ALS2: variants seen among roughly 807,000 people sequenced by gnomAD.
ALS2 encodes alsin Rho guanine nucleotide exchange factor ALS2.
Under a neutral mutation model 203.4 loss-of-function variants are expected in ALS2, and 117 were observed. That is an observed-to-expected ratio of 0.58 (90% CI 0.50 to 0.67). The LOEUF is 0.67. Among genes scored for constraint, ALS2 ranks in the 30% least tolerant of loss-of-function variants. The pLI is 0.00. For missense variants in ALS2, 1,715 were observed against 1,989.4 expected, an observed-to-expected ratio of 0.86 and a Z score of 2.62; for synonymous variants, 718 against 725.9, an observed-to-expected ratio of 0.99 and a Z score of 0.17.
intron 5 of ALS2, among the ~76,000 whole-genome samples, chr2:201,756,442 T>G (rs1693398152): frequency 6.6e-6 from 1 of 151,938 alleles, no homozygotes; most frequent in Admixed American, 6.6e-5. Context: ...AGGTGCAGAG[T>G]AAAAAAGGTA....
rs201931059 is a variant in ALS2, at chr2:201,760,871, G to C, written c.1113+10C>G. ...AGACACACTTTTATTTTATAAAATT[G>C]AGCAGGTACCTGAGATGGCACTGGC... On this transcript the variant is annotated intron_variant, in intron 4 of 33. Coordinates refer to ENST00000264276, the MANE Select transcript of ALS2 (RefSeq NM_020919.4). 2 of 1,609,036 alleles carry C rather than the reference G, an allele frequency of 1.2e-6. No individual in the cohort carries two copies. Among genetic ancestry groups the C allele is most frequent in the Non-Finnish European group, 1.7e-6 (2 of 1,176,542 alleles).
chr2:201,726,868 T>C lies in ALS2; in HGVS notation c.2980-2A>G, dbSNP rs386134184. 2 of 1,613,560 alleles carry C rather than the reference T, an allele frequency of 1.2e-6. No homozygotes were observed. The highest frequency in any genetic ancestry group is 1.7e-4 in the Middle Eastern group (1 of 5,988). ...GCTTATAGCTCGTAGCCACTTTGTCTAGGAGCAAAAAGTAACGTCAATAAG... is the reference window on the plus strand; with the variant it reads ...GCTTATAGCTCGTAGCCACTTTGTCCAGGAGCAAAAAGTAACGTCAATAAG... On this transcript the variant is annotated splice_acceptor_variant, in intron 17 of 33. Transcript: ENST00000264276. LOFTEE classifies it high-confidence loss of function.
rs576109156 is a variant in ALS2, at chr2:201,728,362, T to C, written c.2841+150A>G. 1,202 of 1,114,520 alleles carry C rather than the reference T, an allele frequency of 1.1e-3. 2 individuals carry two copies. Among genetic ancestry groups the C allele is most frequent in the Non-Finnish European group, 1.1e-3 (838 of 746,328 alleles). The allele number at this position is 1,114,520 out of a possible 1,614,324, so 69.0% of individuals were successfully genotyped here. A position where few individuals can be genotyped will look rare whatever the true frequency, so the allele number is the denominator to read the frequency against. ...CATGCAGTGTTTGGTTTTTTGTCCT[T>C]GCTATAGTTTGCTGAGAATGATGGC... On this transcript the variant is annotated intron_variant, in intron 15 of 33. Transcript: ENST00000264276.
At position 201,715,623 on chromosome 2, in the gene ALS2, T is replaced by C. The variant is rs758722639; in HGVS notation, c.4004+49A>G. 5 of 1,606,326 alleles carry C rather than the reference T, an allele frequency of 3.1e-6. No individual in the cohort carries two copies. In the African/African-American group the frequency reaches 6.7e-5, roughly 21 times the overall value. ...CCTTGACTACTTACTGGTCTTAAGTTTCATCTTCCTAACATGCTCTGCTGT... is the reference window on the plus strand; with the variant it reads ...CCTTGACTACTTACTGGTCTTAAGTCTCATCTTCCTAACATGCTCTGCTGT... On this transcript the variant is annotated intron_variant, in intron 25 of 33. Transcript: ENST00000264276.
chr2:201,762,346 C>A (rs1693816992), intron 3 of ALS2, among the ~76,000 whole-genome samples: 1 of 152,208 alleles, frequency 6.6e-6, no homozygotes, highest in South Asian at 2.1e-4. Flanking sequence ...CTAGGCTGTA[C>A]AGGAAGCACC....
At position 201,723,434 on chromosome 2, in the gene ALS2, T is replaced by A. The variant is rs757972700; in HGVS notation, c.3520A>T (p.Lys1174Ter). 6.8e-6 allele frequency: 11 copies of A among 1,612,534 alleles called. No individual in the cohort carries two copies. The South Asian group carries it at 1.1e-4, about 16-fold the overall frequency. ...GVFDDITRGE[K>*]YMGMWQDDVC... ...TCATCTTGCCACATTCCCATATACT[T>A]TTCCCCCCTGCACAGAAATAAAAAG... Residue 1174 changes from lysine (K) to a stop codon, truncating the protein, a stop_gained, in exon 22 of 34, where the codon AAG (lysine) becomes TAG (stop). Transcript: ENST00000264276. LOFTEE classifies it high-confidence loss of function.
chr2:201,707,917 G>T lies in ALS2; in HGVS notation c.4355C>A (p.Ser1452Tyr). ...GGAATCTGACTTCCCAGTGCAAAAA[G>T]ACTTCCTTTCGGTTGGCAGAGGAGC... ...LSAPLPTERKSFCTGKSDSRS... is the reference protein window; with the variant it reads ...LSAPLPTERKYFCTGKSDSRS... Residue 1452 changes from serine to tyrosine, a missense_variant, in exon 28 of 34, where the codon TCT (serine) becomes TAT (tyrosine). By Grantham distance (144) the Ser-to-Tyr change is moderately radical. This residue lies in a region of ALS2 where 1,227 missense variants were observed against 1,413.5 expected (regional missense o/e 0.87). Coordinates refer to ENST00000264276, the MANE Select transcript of ALS2 (RefSeq NM_020919.4). 1 of 1,613,662 alleles carries T rather than the reference G, an allele frequency of 6.2e-7. No individual in the cohort carries two copies. Among genetic ancestry groups the T allele is most frequent in the Non-Finnish European group, 8.5e-7 (1 of 1,179,736 alleles).
chr2:201,757,560 C>T lies in ALS2; in HGVS notation c.1313G>A (p.Ser438Asn). ...TPCETGAQAG[S>N]SAIGPEGLKD... is the part of the protein sequence containing the mutation. ...CAAACCTTCGGGGCCAATGGCACTA[C>T]TGCCTGCCTGAGCTCCAGTTTCACA... The change falls in exon 5 of 34, where the codon AGT (serine) becomes AAT (asparagine). Residue 438 changes from serine to asparagine, a missense_variant. By Grantham distance (46) the Ser-to-Asn change is conservative. Coordinates refer to ENST00000264276, the MANE Select transcript of ALS2 (RefSeq NM_020919.4). 1 of 1,614,182 alleles carries T rather than the reference C, an allele frequency of 6.2e-7. No individual in the cohort carries two copies.
At position 201,707,905 on chromosome 2, in the gene ALS2, C is replaced by T. The variant is rs757764512; in HGVS notation, c.4367G>A (p.Gly1456Glu). The stretch of plus-strand genomic sequence containing the variant: ...TGATTCAGATCGGGAATCTGACTTC[C>T]CAGTGCAAAAAGACTTCCTTTCGGT... Reference protein sequence around the residue: ...LPTERKSFCTGKSDSRSESPE... With the variant: ...LPTERKSFCTEKSDSRSESPE... The change falls in exon 28 of 34, where the codon GGG becomes GAG. Residue 1456 changes from glycine to glutamate, a missense_variant. Physicochemically the swap from Gly to Glu is moderately conservative, Grantham distance 98 (BLOSUM62 -2). This residue lies in a region of ALS2 where 1,227 missense variants were observed against 1,413.5 expected (regional missense o/e 0.87). Coordinates refer to ENST00000264276, the MANE Select transcript of ALS2 (RefSeq NM_020919.4). The T allele has an allele frequency of 1.9e-6, 3 of 1,613,558 alleles. No homozygotes were observed. Among genetic ancestry groups the T allele is most frequent in the South Asian group, 2.2e-5 (2 of 91,058 alleles).
chr2:201,702,385 A>T (rs1422747348), intron 33 of ALS2, among the ~76,000 whole-genome samples: 1 of 146,880 alleles, frequency 6.8e-6, no homozygotes, highest in Non-Finnish European at 1.5e-5. Flanking sequence ...AATGAATAAC[A>T]CATCCAGATA....
chr2:201,746,998 A>G (rs1201790395), intron 8 of ALS2, among the ~76,000 whole-genome samples: 1 of 152,196 alleles, frequency 6.6e-6, no homozygotes, highest in Non-Finnish European at 1.5e-5. Flanking sequence ...TTAAAAAGGA[A>G]AAACCACACA....
At chr2:201,732,399 C>CATA (rs1411348851) in intron 13 of ALS2, among the ~76,000 whole-genome samples, 1 of 85,152 alleles carries the variant, frequency 1.2e-5, no homozygotes, top group Non-Finnish European at 2.5e-5. Flanking sequence ...ACTAAAAATA[C>CATA]AAAAAAAAAA....
At chr2:201,759,565 A>G (rs1012849877) in intron 4 of ALS2, 2 of 983,100 alleles carry the variant, frequency 2.0e-6, no homozygotes, top group Non-Finnish European at 2.4e-6. Context: ...AAGCATGTAC[A>G]GTCTAAGAAT....
chr2:201,759,539 G>A (rs1693630147), intron 4 of ALS2: 1 of 981,724 alleles, frequency 1.0e-6, no homozygotes, highest in Non-Finnish European at 1.2e-6. Context: ...GTTTAACAAA[G>A]TAAGTAAAAT....
chr2:201,769,996 C>G (rs891186534), intron 1 of ALS2, among the ~76,000 whole-genome samples: 1 of 152,074 alleles, frequency 6.6e-6, no homozygotes, highest in African/African-American at 2.4e-5. Context: ...AAAATGGGTA[C>G]TATGTTAACA....
At position 201,737,503 on chromosome 2, in the gene ALS2, T is replaced by C. The variant is rs1691953658; in HGVS notation, c.2417+1167A>G. Among the ~76,000 whole-genome samples the C allele has an allele frequency of 2.0e-5, 3 of 152,226 alleles. No homozygotes were observed. In the South Asian group the frequency reaches 6.2e-4, roughly 31 times the overall value. ...TTTAGAAATAGGGCCTTTTTAACCC[T>C]ATAAATTATATCTACCAAAAACCTA... On this transcript the variant is annotated intron_variant, in intron 12 of 33. Transcript: ENST00000264276.
rs772918314 is a variant in ALS2 at position 201,744,339 on chromosome 2, C to T, written c.2089G>A (p.Glu697Lys). ...AATCGTCTTTCTGTAGTAGCTAACT[C>T]GTGGAGACTGGCAATATACCCCATA... ...NIMGYIASLH[E>K]LATTERRFYS... is the part of the protein sequence containing the mutation. The change falls in exon 10 of 34, where the codon GAG (glutamate) becomes AAG (lysine). Residue 697 changes from glutamate to lysine, a missense_variant. Physicochemically the swap from Glu to Lys is moderately conservative, Grantham distance 56 (BLOSUM62 1). This residue lies in a region of ALS2 where 1,227 missense variants were observed against 1,413.5 expected (regional missense o/e 0.87). Coordinates refer to ENST00000264276, the MANE Select transcript of ALS2 (RefSeq NM_020919.4). 2.6e-5 allele frequency: 42 copies of T among 1,613,804 alleles called. No homozygotes were observed. Among genetic ancestry groups the T allele is most frequent in the Middle Eastern group, 1.6e-4 (1 of 6,084 alleles).
At chr2:201,776,427 A>C (rs1322118254) in intron 1 of ALS2, among the ~76,000 whole-genome samples, 1 of 152,142 alleles carries the variant, frequency 6.6e-6, no homozygotes, top group Non-Finnish European at 1.5e-5. Context: ...ATGCCCATTT[A>C]GCTCTTTTTT....
intron 8 of ALS2, among the ~76,000 whole-genome samples, chr2:201,748,216 G>A (rs759273962): frequency 6.6e-6 from 1 of 152,182 alleles, no homozygotes; most frequent in Non-Finnish European, 1.5e-5. Flanking sequence ...GTGTGTGTGT[G>A]TGTGTGTCTA....
Sources: allele counts gnomAD v4.1 joint callset (sites outside exome capture counted in the v4.1 genomes callset), GRCh38; gene constraint gnomAD v4.1.1; regional missense constraint gnomAD v4.1.1; transcripts MANE v1.5; gene names NCBI Gene and HGNC (gene_info 2026-07-23, HGNC 2026-07-21).